Variants in CDH13 observed in about 807,000 individuals in gnomAD.
CDH13 encodes the protein cadherin-13.
CDH13 carries 24 observed loss-of-function variants against 63.8 expected under a neutral mutation model. The ratio of observed to expected loss-of-function variants is 0.38; its 90% CI spans 0.27 to 0.53. The LOEUF (loss-of-function observed/expected upper bound fraction) is 0.53. Among genes scored for constraint, CDH13 ranks in the 20% least tolerant of loss-of-function variants. The pLI is 0.85. For synonymous variants in CDH13, 503 were observed against 355.3 expected, an observed-to-expected ratio of 1.42 and a Z score of -4.67; for missense variants, 1,049 against 903.1, an observed-to-expected ratio of 1.16 and a Z score of -2.07.
At chr16:83,305,079 G>C (rs1260783225) in intron 5 of CDH13, among the ~76,000 whole-genome samples, 2 of 152,188 alleles carry the variant, frequency 1.3e-5, no homozygotes, top group East Asian at 1.9e-4. Flanking sequence ...GCCCAGGTGA[G>C]AGTTCTAAGG....
chr16:83,478,941 G>C (rs922868309), intron 6 of CDH13, among the ~76,000 whole-genome samples: 11 of 152,102 alleles, frequency 7.2e-5, no homozygotes, highest in African/African-American at 2.4e-4. Flanking sequence ...ATGTAAGCCA[G>C]TGGGAAAATG....
At chr16:82,915,447 C>T (rs1373836607) in intron 2 of CDH13, among the ~76,000 whole-genome samples, 1 of 152,146 alleles carries the variant, frequency 6.6e-6, no homozygotes, top group Non-Finnish European at 1.5e-5. Flanking sequence ...CAGCTTCCTG[C>T]CCAAAGACGC....
At chr16:83,275,693 G>C (rs1171299817) in intron 5 of CDH13, among the ~76,000 whole-genome samples, 2 of 152,082 alleles carry the variant, frequency 1.3e-5, no homozygotes, top group South Asian at 2.1e-4. Flanking sequence ...TTTGTCACTT[G>C]TGACTACAGG....
At chr16:83,481,371 T>C (rs1245766779) in intron 6 of CDH13, among the ~76,000 whole-genome samples, 1 of 152,236 alleles carries the variant, frequency 6.6e-6, no homozygotes, top group African/African-American at 2.4e-5. Flanking sequence ...ATTTTGTCAC[T>C]GTCTTTTGGA....
intron 4 of CDH13, among the ~76,000 whole-genome samples, chr16:83,204,843 G>C (rs75916605): frequency 0.04 from 6,111 of 152,306 alleles, 389 homozygotes; most frequent in African/African-American, 0.14. Context: ...CTACAATTTG[G>C]AACATTGCTG....
chr16:83,371,283 C>A (rs1362795853), intron 6 of CDH13, among the ~76,000 whole-genome samples: 1 of 152,042 alleles, frequency 6.6e-6, no homozygotes, highest in African/African-American at 2.4e-5. Context: ...AAATCATTAC[C>A]CTCTCCTTCC....
intron 3 of CDH13, among the ~76,000 whole-genome samples, chr16:83,048,987 C>T (rs539425896): frequency 6.6e-6 from 1 of 152,234 alleles, no homozygotes; most frequent in African/African-American, 2.4e-5. Flanking sequence ...GGTGAAAATT[C>T]TCTCTTTTGA....
intron 1 of CDH13, among the ~76,000 whole-genome samples, chr16:82,688,025 G>A (rs971984871): frequency 5.9e-5 from 9 of 152,302 alleles, no homozygotes; most frequent in African/African-American, 1.7e-4. Flanking sequence ...AGTGATCACA[G>A]ATCTATATGG....
chr16:83,416,148 A>G (rs1349253687), intron 6 of CDH13, among the ~76,000 whole-genome samples: 1 of 152,236 alleles, frequency 6.6e-6, no homozygotes, highest in Non-Finnish European at 1.5e-5. Context: ...TCCCTTTACA[A>G]TAGTACCAAA....
chr16:82,957,542 C>T (rs1418446331), intron 2 of CDH13, among the ~76,000 whole-genome samples: 1 of 152,158 alleles, frequency 6.6e-6, no homozygotes, highest in African/African-American at 2.4e-5. Context: ...CTCCCAAGTA[C>T]CCATAACATG....
Position 83,070,202 on chromosome 16 carries a change from C to G in CDH13, c.366+37984C>G, listed in dbSNP as rs190885656. Among the ~76,000 whole-genome samples the G allele has an allele frequency of 2.6e-5, 4 of 152,226 alleles. 1 individual carries two copies. The highest frequency in any genetic ancestry group is 7.2e-5 in the African/African-American group (3 of 41,544). ...TTCTAGAGAACTTTAAAATCATTAA[C>G]TATCCTTTAAAAACTCACTCTTGGA... On this transcript the variant is annotated intron_variant, in intron 3 of 13. Transcript: ENST00000567109.
intron 2 of CDH13, among the ~76,000 whole-genome samples, chr16:82,882,957 T>C (rs2151207313): frequency 6.6e-6 from 1 of 152,298 alleles, no homozygotes; most frequent in Admixed American, 6.5e-5. Flanking sequence ...GTTCAATAAA[T>C]CCTAGAATTT....
chr16:83,606,726 CA>C (rs11424833), intron 8 of CDH13, among the ~76,000 whole-genome samples: 147 of 138,312 alleles, frequency 1.1e-3, no homozygotes, highest in Admixed American at 1.1e-3. Context: ...GACCCAGTTT[CA>C]AAAAAAAAAA....
chr16:82,882,573 A>G (rs528554069), intron 2 of CDH13, among the ~76,000 whole-genome samples: 78 of 152,304 alleles, frequency 5.1e-4, no homozygotes, highest in African/African-American at 1.8e-3. Context: ...TGGAAAAAGT[A>G]TGTAGAGGGA....
chr16:82,994,613 C>G (rs1408384783), intron 2 of CDH13, among the ~76,000 whole-genome samples: 1 of 152,220 alleles, frequency 6.6e-6, no homozygotes, highest in Non-Finnish European at 1.5e-5. Context: ...TAAATATTCA[C>G]TTATTTTCCC....
At chr16:82,728,164 A>G (rs1254692091) in intron 1 of CDH13, among the ~76,000 whole-genome samples, 1 of 152,212 alleles carries the variant, frequency 6.6e-6, no homozygotes, top group African/African-American at 2.4e-5. Context: ...AAAGCACTCC[A>G]AAAATGTTCT....
intron 6 of CDH13, among the ~76,000 whole-genome samples, chr16:83,393,275 G>A (rs1228693114): frequency 6.6e-6 from 1 of 152,174 alleles, no homozygotes; most frequent in Non-Finnish European, 1.5e-5. Context: ...TGTGGGAAAG[G>A]AAGCATTCTC....
chr16:83,651,524 A>G (rs988192335), intron 8 of CDH13, among the ~76,000 whole-genome samples: 1 of 151,796 alleles, frequency 6.6e-6, no homozygotes, highest in African/African-American at 2.4e-5. Flanking sequence ...CACAAAGATA[A>G]CAAGATGCAG....
Position 82,975,049 on chromosome 16 carries a change from C to T in CDH13, c.158-56961C>T, listed in dbSNP as rs75764828. The stretch of plus-strand genomic sequence containing the variant: ...TGAAGTCCTCACGTCTGCACACCCT[C>T]GGCATCACTTGGCCCAACTCGTCTT... On this transcript the variant is annotated intron_variant, in intron 2 of 13. Transcript: ENST00000567109. Among the ~76,000 whole-genome samples, 38 of 152,312 alleles carry T rather than the reference C, an allele frequency of 2.5e-4. No homozygotes were observed. The East Asian group carries it at 6.0e-3, about 24-fold the overall frequency.
Sources: allele counts gnomAD v4.1 joint callset (sites outside exome capture counted in the v4.1 genomes callset), GRCh38; gene constraint gnomAD v4.1.1; transcripts MANE v1.5; gene names NCBI Gene and HGNC (gene_info 2026-07-23, HGNC 2026-07-21).